CCDC18: variants seen among roughly 807,000 people sequenced by gnomAD.
CCDC18 encodes coiled-coil domain-containing protein 18.
In CCDC18, 157 loss-of-function variants were observed where a neutral mutation model predicts 196.0. The ratio of observed to expected loss-of-function variants is 0.80; its 90% confidence interval spans 0.70 to 0.91. CCDC18 has a LOEUF of 0.91. CCDC18 is among the 40% of genes least tolerant of loss of function. CCDC18 has a pLI of 0.00. For synonymous variants in CCDC18, 482 were observed against 529.2 expected (o/e 0.91, Z 1.22); for missense variants, 1,465 against 1,611.6 (o/e 0.91, Z 1.56).
chr1:93,190,819 CT>C (rs1651632262), intron 4 of CCDC18: 2 of 712,710 alleles, frequency 2.8e-6, no homozygotes. Context: ...ACTCAGCATT[CT>C]CTTAGATCTG....
chr1:93,196,917 T>C (rs1413850136), intron 6 of CCDC18, among the ~76,000 whole-genome samples: 3 of 152,186 alleles, frequency 2.0e-5, no homozygotes, highest in African/African-American at 4.8e-5. Flanking sequence ...CCAGGCTTAC[T>C]GGTGTTCATT....
At chr1:93,231,314 A>G (rs539828146) in intron 17 of CCDC18, among the ~76,000 whole-genome samples, 3 of 152,320 alleles carry the variant, frequency 2.0e-5, no homozygotes, top group African/African-American at 4.8e-5. Flanking sequence ...AAACTTCTAA[A>G]GAACATTTAC....
In CCDC18 at chr1:93,205,638, T is replaced by G; in HGVS notation, c.917+7T>G. On this transcript the variant is annotated splice_region_variant and intron_variant, in intron 8 of 28. Coordinates refer to ENST00000690025, the MANE Select transcript of CCDC18 (RefSeq NM_001378204.1). ...TTCTGAAAGAGAAATTAAGGTACAG[T>G]ATTCTGTTGTAGAAAAAGGATTTTT... is the stretch of plus-strand genomic sequence containing the variant. 1 of 1,580,082 alleles carries G rather than the reference T, an allele frequency of 6.3e-7. No individual in the cohort carries two copies. The highest frequency in any genetic ancestry group is 1.2e-5 in the South Asian group (1 of 85,320).
chr1:93,252,364 C>A (rs1662377871), intron 23 of CCDC18, among the ~76,000 whole-genome samples: 1 of 152,220 alleles, frequency 6.6e-6, no homozygotes, highest in Non-Finnish European at 1.5e-5. Flanking sequence ...AATAGTCCAT[C>A]TTCAAGCTCA....
chr1:93,205,583 G>T lies in CCDC18; in HGVS notation c.869G>T (p.Arg290Met). Reference sequence around the variant, plus strand: ...AAAGAAAATAAAAGGCTACAAGAAAGGTGTGGTCTATATAAAAGTGAACTT... The same window carrying T: ...AAAGAAAATAAAAGGCTACAAGAAATGTGTGGTCTATATAAAAGTGAACTT... ...CEKENKRLQERCGLYKSELEI... is the reference protein window; with the variant it reads ...CEKENKRLQEMCGLYKSELEI... The change falls in exon 8 of 29, where the codon AGG becomes ATG. Residue 290 changes from arginine to methionine, a missense_variant. Coordinates refer to ENST00000690025, the MANE Select transcript of CCDC18 (RefSeq NM_001378204.1). The T allele has an allele frequency of 6.3e-7, 1 of 1,597,838 alleles. No homozygotes were observed. The highest frequency in any genetic ancestry group is 8.6e-7 in the Non-Finnish European group (1 of 1,169,082).
intron 16 of CCDC18, among the ~76,000 whole-genome samples, chr1:93,223,900 TACAC>T (rs60165485): frequency 0.26 from 36,332 of 140,910 alleles, 4,725 homozygotes; most frequent in Admixed American, 0.34. Flanking sequence ...CATTTATTTA[TACAC>T]ACACACACAC....
chr1:93,238,462 ACT>A (rs1366184732), intron 19 of CCDC18, among the ~76,000 whole-genome samples: 1 of 152,044 alleles, frequency 6.6e-6, no homozygotes, highest in Non-Finnish European at 1.5e-5. Context: ...CAATTAAAAA[ACT>A]CTTGAACAAA....
chr1:93,256,289 T>G (rs1235574091), intron 24 of CCDC18, 46 bp from the exon 25 acceptor site: 3 of 1,516,950 alleles, frequency 2.0e-6, no homozygotes, highest in South Asian at 2.3e-5. Flanking sequence ...AAATAGGTTA[T>G]CTATATATTT....
At chr1:93,218,813 C>T (rs1236197339) in intron 14 of CCDC18, among the ~76,000 whole-genome samples, 1 of 152,122 alleles carries the variant, frequency 6.6e-6, no homozygotes, top group Non-Finnish European at 1.5e-5. Flanking sequence ...CGCCCAGCCT[C>T]CTTTGCACTT....
intron 27 of CCDC18, among the ~76,000 whole-genome samples, chr1:93,268,257 C>T (rs1233855128): frequency 6.6e-6 from 1 of 152,178 alleles, no homozygotes; most frequent in African/African-American, 2.4e-5. Flanking sequence ...CTTCCTTACA[C>T]CTTATACAAA....
rs75185079 is a variant in CCDC18, at chr1:93,258,675, G to T, written c.3547-73G>T. 7 of 1,187,136 alleles carry T rather than the reference G, an allele frequency of 5.9e-6. No homozygotes were observed. The East Asian group carries it at 1.6e-4, about 28-fold the overall frequency. The allele number at this position is 1,187,136 out of a possible 1,614,324, so 73.5% of individuals were successfully genotyped here. A position where few individuals can be genotyped will look rare whatever the true frequency, so the allele number is the denominator to read the frequency against. ...AAAAAATTAAACTACTTCCAATAAT[G>T]CACTGGATTAGTTTAGCTATAATAA... On this transcript the variant is annotated intron_variant, in intron 25 of 28. Transcript: ENST00000690025.
At chr1:93,199,242 G>A (rs1653367971) in intron 6 of CCDC18, among the ~76,000 whole-genome samples, 1 of 152,230 alleles carries the variant, frequency 6.6e-6, no homozygotes, top group Non-Finnish European at 1.5e-5. Context: ...TGCCAAGGGT[G>A]AGCTAGGTGC....
upstream of CCDC18, chr1:93,180,369 G>C: frequency 2.3e-6 from 3 of 1,294,950 alleles, no homozygotes; most frequent in Non-Finnish European, 3.2e-6. Context: ...GGTGGCGGCC[G>C]CGGCGGCGGC....
At chr1:93,273,170 G>A (rs935480013) in intron 28 of CCDC18, among the ~76,000 whole-genome samples, 76 of 152,010 alleles carry the variant, frequency 5.0e-4, no homozygotes, top group African/African-American at 1.5e-3. Context: ...CCAGGTTCAC[G>A]CCATTCTCCT....
chr1:93,245,621 A>G (rs1661401800), intron 21 of CCDC18, among the ~76,000 whole-genome samples: 1 of 152,098 alleles, frequency 6.6e-6, no homozygotes, highest in South Asian at 2.1e-4. Flanking sequence ...AATTTGTAAT[A>G]TTTTTATATT....
At chr1:93,235,131 T>G (rs1369083649) in intron 18 of CCDC18, among the ~76,000 whole-genome samples, 1 of 151,824 alleles carries the variant, frequency 6.6e-6, no homozygotes, top group African/African-American at 2.4e-5. Context: ...GGCAAGATAT[T>G]AATGGTTTAT....
intron 26 of CCDC18, among the ~76,000 whole-genome samples, chr1:93,259,209 TATATA>T (rs1663448762): frequency 6.6e-6 from 1 of 152,168 alleles, no homozygotes; most frequent in Non-Finnish European, 1.5e-5. Context: ...AATGAATTAA[TATATA>T]ATATAAAATA....
intron 7 of CCDC18, among the ~76,000 whole-genome samples, chr1:93,204,040 T>G (rs146192171): frequency 6.6e-6 from 1 of 152,076 alleles, no homozygotes; most frequent in African/African-American, 2.4e-5. Context: ...AATAAGTGTG[T>G]GTGGTGGGTT....
intron 18 of CCDC18, among the ~76,000 whole-genome samples, chr1:93,234,990 CTTTT>C (rs1222470671): frequency 1.4e-5 from 1 of 70,804 alleles, no homozygotes; most frequent in Admixed American, 1.5e-4. Context: ...CTTTTTTTTT[CTTTT>C]TTTTTTTTTT....
Sources: gnomAD v4.1 joint callset for allele counts (sites outside exome capture counted in the v4.1 genomes callset) on GRCh38, gnomAD v4.1.1 for gene constraint, MANE v1.5 for transcripts, NCBI Gene and HGNC (gene_info 2026-07-23, HGNC 2026-07-21) for gene names.